The following PLCB1 variants were observed in gnomAD, a reference collection of about 807,000 sequenced individuals.
PLCB1 encodes the protein 1-phosphatidylinositol 4,5-bisphosphate phosphodiesterase beta-1.
A neutral mutation model predicts 161.8 loss-of-function variants in PLCB1; 46 were observed. That is an observed-to-expected ratio of 0.28 (90% CI 0.22 to 0.36). The LOEUF (loss-of-function observed/expected upper bound fraction) is 0.36, where lower values mean the gene tolerates loss of function less well. Among genes scored for constraint, PLCB1 ranks in the 10% least tolerant of loss-of-function variants. The probability of loss-of-function intolerance (pLI) is 1.00; values close to 1 mark genes in which losing one functional copy is unlikely to be tolerated. For synonymous variants in PLCB1, 517 were observed against 503.7 expected (o/e 1.03, Z -0.35); for missense variants, 1,016 against 1,472.5 (o/e 0.69, Z 5.07).
intron 1 of PLCB1, among the ~76,000 whole-genome samples, chr20:8,149,326 C>T (rs963021558): frequency 6.6e-6 from 1 of 151,962 alleles, no homozygotes; most frequent in South Asian, 2.1e-4. Flanking sequence ...GAATTTGAAC[C>T]CAGAGAACAT....
At chr20:8,494,962 T>C (rs6055864) in intron 3 of PLCB1, among the ~76,000 whole-genome samples, 102,098 of 151,976 alleles carry the variant, frequency 0.67, 34,566 homozygotes, top group Non-Finnish European at 0.71. Flanking sequence ...ACTGAATATA[T>C]GTTCTTTTCC....
chr20:8,334,373 T>C (rs1381153523), intron 2 of PLCB1, among the ~76,000 whole-genome samples: 1 of 152,252 alleles, frequency 6.6e-6, no homozygotes, highest in Non-Finnish European at 1.5e-5. Context: ...AAGCATTAAA[T>C]TGAATGGTAT....
intron 3 of PLCB1, among the ~76,000 whole-genome samples, chr20:8,610,376 A>G (rs1399028567): frequency 6.6e-6 from 1 of 152,238 alleles, no homozygotes; most frequent in Non-Finnish European, 1.5e-5. Context: ...TTGATTTTCC[A>G]TTCATCAGTT....
intron 2 of PLCB1, among the ~76,000 whole-genome samples, chr20:8,297,496 T>C (rs1983692584): frequency 6.6e-6 from 1 of 152,152 alleles, no homozygotes; most frequent in African/African-American, 2.4e-5. Flanking sequence ...CTAAATAACA[T>C]GGCCTCTTTG....
intron 19 of PLCB1, among the ~76,000 whole-genome samples, chr20:8,735,987 ATT>A (rs1334639463): frequency 6.6e-6 from 1 of 152,114 alleles, no homozygotes; most frequent in Non-Finnish European, 1.5e-5. Flanking sequence ...ATTTTGTCTG[ATT>A]TCTGGCCCAG....
intron 3 of PLCB1, among the ~76,000 whole-genome samples, chr20:8,444,511 G>A (rs958815739): frequency 6.6e-6 from 1 of 152,150 alleles, no homozygotes; most frequent in Admixed American, 6.5e-5. Context: ...ATAAACATAC[G>A]TGTGCATGTG....
chr20:8,226,211 G>A (rs1003742459), intron 2 of PLCB1, among the ~76,000 whole-genome samples: 2 of 152,120 alleles, frequency 1.3e-5, no homozygotes, highest in African/African-American at 4.8e-5. Context: ...ACCTTTCACT[G>A]TGAACTCTGG....
intron 2 of PLCB1, among the ~76,000 whole-genome samples, chr20:8,266,236 C>T (rs1981950707): frequency 6.6e-6 from 1 of 152,136 alleles, no homozygotes; most frequent in African/African-American, 2.4e-5. Context: ...TGAGCATATC[C>T]CATCAGGGCT....
intron 19 of PLCB1, among the ~76,000 whole-genome samples, chr20:8,735,541 A>G (rs187487444): frequency 1.3e-5 from 2 of 152,330 alleles, no homozygotes; most frequent in Admixed American, 1.3e-4. Context: ...TAGATTTTAT[A>G]ATGCCAGAAT....
chr20:8,839,672 C>T (rs1469627169), intron 31 of PLCB1, among the ~76,000 whole-genome samples: 1 of 151,490 alleles, frequency 6.6e-6, no homozygotes, highest in Admixed American at 6.6e-5. Context: ...CAAACATTAT[C>T]GCAGCATGCT....
intron 31 of PLCB1, among the ~76,000 whole-genome samples, chr20:8,809,875 T>G (rs1984727559): frequency 6.6e-6 from 1 of 152,156 alleles, no homozygotes; most frequent in Non-Finnish European, 1.5e-5. Context: ...ATTGACAACA[T>G]TTTTCTAGCC....
chr20:8,751,853 C>A (rs184842408), intron 23 of PLCB1: 2 of 152,112 alleles, frequency 1.3e-5, no homozygotes, highest in East Asian at 3.9e-4. Context: ...ATTTCCAGTA[C>A]CAGATTTTTA....
At chr20:8,320,397 C>G (rs889032634) in intron 2 of PLCB1, among the ~76,000 whole-genome samples, 1 of 152,176 alleles carries the variant, frequency 6.6e-6, no homozygotes. Flanking sequence ...GTAATATAAA[C>G]TTCCCTATTT....
At chr20:8,660,139 G>T (rs1448634892) in intron 9 of PLCB1, among the ~76,000 whole-genome samples, 1 of 151,806 alleles carries the variant, frequency 6.6e-6, no homozygotes, top group Non-Finnish European at 1.5e-5. Flanking sequence ...TGCCTTTGTT[G>T]TTGTTATCAT....
intron 31 of PLCB1, among the ~76,000 whole-genome samples, chr20:8,814,584 T>TGC (rs1271957601): frequency 2.5e-4 from 38 of 150,286 alleles, no homozygotes; most frequent in Admixed American, 6.6e-5. Flanking sequence ...TGCATGTGTG[T>TGC]GTGTGTGTGT....
chr20:8,347,435 C>T lies in PLCB1; in HGVS notation c.178-23947C>T, dbSNP rs903977668. Among the ~76,000 whole-genome samples, 13 of 152,184 alleles carry T rather than the reference C, an allele frequency of 8.5e-5. No homozygotes were observed. The East Asian group carries it at 2.1e-3, about 25-fold the overall frequency. On this transcript the variant is annotated intron_variant, in intron 2 of 31. Coordinates refer to ENST00000338037, the MANE Select transcript of PLCB1 (RefSeq NM_015192.4). ...TCTGATAAGCAGACCTGAAACCAAA[C>T]CAGAAGGCAGAAAAGGGAAAGAACA... is the stretch of plus-strand genomic sequence containing the variant.
At chr20:8,694,392 T>C (rs6140693) in intron 10 of PLCB1, among the ~76,000 whole-genome samples, 15,665 of 152,188 alleles carry the variant, frequency 0.1, 1,957 homozygotes, top group African/African-American at 0.3. Context: ...CTGTTGGTCT[T>C]AGGTGGACAA....
intron 3 of PLCB1, among the ~76,000 whole-genome samples, chr20:8,549,374 G>A (rs988858739): frequency 1.3e-5 from 2 of 152,080 alleles, no homozygotes; most frequent in African/African-American, 4.8e-5. Flanking sequence ...GGAATGTCCA[G>A]GTGGCTAAGG....
At chr20:8,484,448 A>G (rs1287127469) in intron 3 of PLCB1, among the ~76,000 whole-genome samples, 2 of 141,378 alleles carry the variant, frequency 1.4e-5, no homozygotes, top group Admixed American at 1.4e-4. Flanking sequence ...AGCAACCTCC[A>G]CCTCCTGGGT....
Sources: gnomAD v4.1 joint callset for allele counts (sites outside exome capture counted in the v4.1 genomes callset) on GRCh38, gnomAD v4.1.1 for gene constraint, MANE v1.5 for transcripts, NCBI Gene and HGNC (gene_info 2026-07-23, HGNC 2026-07-21) for gene names.